The following DUSP16 variants were observed in gnomAD, a reference collection of about 807,000 sequenced individuals.
The protein encoded by DUSP16 is dual specificity protein phosphatase 16.
A neutral mutation model predicts 58.3 loss-of-function variants in DUSP16; 21 were observed. The observed-to-expected ratio is 0.36, with a 90% confidence interval of 0.26 to 0.52. The LOEUF is 0.52. Ranked by LOEUF, DUSP16 falls within the 20% of genes least tolerant of loss-of-function variation. DUSP16 has a pLI of 0.94. For missense variants in DUSP16, 726 were observed against 819.0 expected, an observed-to-expected ratio of 0.89 and a Z score of 1.39; for synonymous variants, 320 against 323.8, an observed-to-expected ratio of 0.99 and a Z score of 0.12.
At chr12:12,505,108 T>C (rs376369942) in intron 3 of DUSP16, among the ~76,000 whole-genome samples, 43 of 152,292 alleles carry the variant, frequency 2.8e-4, no homozygotes, top group Admixed American at 4.6e-4. Flanking sequence ...ATGAGATAGG[T>C]GTTACTACTA....
At chr12:12,523,185 CCA>C (rs1261049348) in intron 1 of DUSP16, among the ~76,000 whole-genome samples, 7 of 152,150 alleles carry the variant, frequency 4.6e-5, no homozygotes, top group Admixed American at 1.3e-4. Flanking sequence ...CCTCTCTAAA[CCA>C]CAGTTTCTTC....
chr12:12,535,046 T>G (rs753195183), intron 1 of DUSP16, among the ~76,000 whole-genome samples: 1 of 152,262 alleles, frequency 6.6e-6, no homozygotes, highest in Non-Finnish European at 1.5e-5. Flanking sequence ...TCTGAATTAT[T>G]TTATAATCTA....
chr12:12,536,228 T>C (rs923837426), intron 1 of DUSP16, among the ~76,000 whole-genome samples: 3 of 152,230 alleles, frequency 2.0e-5, no homozygotes, highest in Admixed American at 1.3e-4. Context: ...TGGCACAAGA[T>C]ATACCCTTAT....
At chr12:12,487,527 C>T (rs918934442) in intron 4 of DUSP16, among the ~76,000 whole-genome samples, 1 of 152,136 alleles carries the variant, frequency 6.6e-6, no homozygotes, top group Admixed American at 6.5e-5. Flanking sequence ...TATATGGACA[C>T]ACAACATTTT....
chr12:12,532,371 G>C lies in DUSP16; in HGVS notation c.-365-10908C>G, dbSNP rs74561565. On this transcript the variant is annotated intron_variant, in intron 1 of 6. Transcript: ENST00000298573. ...ATATACTTATTGACAGCCAAGGATGGTCATGATATATTGAGAATAAAGTCA... is the reference window on the plus strand; with the variant it reads ...ATATACTTATTGACAGCCAAGGATGCTCATGATATATTGAGAATAAAGTCA... 4.9e-3 allele frequency among the ~76,000 whole-genome samples: 748 copies of C among 152,102 alleles called. 7 individuals are homozygous for C. The highest frequency in any genetic ancestry group is 0.017 in the African/African-American group (714 of 41,538).
intron 1 of DUSP16, among the ~76,000 whole-genome samples, chr12:12,542,766 A>G (rs1944583960): frequency 6.6e-6 from 1 of 152,236 alleles, no homozygotes; most frequent in Non-Finnish European, 1.5e-5. Context: ...TAAATGTAGA[A>G]CACGATCCTC....
At chr12:12,493,832 C>T (rs1379056395) in intron 4 of DUSP16, among the ~76,000 whole-genome samples, 2 of 152,194 alleles carry the variant, frequency 1.3e-5, no homozygotes, top group Non-Finnish European at 2.9e-5. Context: ...AATCCCCAGC[C>T]CTCTTACCCT....
At position 12,476,318 on chromosome 12, in the gene DUSP16, G is replaced by A. The variant is rs991787034; in HGVS notation, c.*515C>T. 3 of 153,506 alleles carry A rather than the reference G, an allele frequency of 2.0e-5. No homozygotes were observed. Among genetic ancestry groups the A allele is most frequent in the Admixed American group, 6.5e-5 (1 of 15,332 alleles). 9.5% of individuals were successfully genotyped at this position (153,506 alleles called of 1,614,324 possible). Reference sequence around the variant, plus strand: ...GATGCTCGTGTCCCTCGGCTGTCAGGTGAGCGTGGGTTTGTGAATCAGCTT... The same window carrying A: ...GATGCTCGTGTCCCTCGGCTGTCAGATGAGCGTGGGTTTGTGAATCAGCTT... On this transcript the variant is annotated 3_prime_UTR_variant, in exon 7 of 7. Transcript: ENST00000298573.
At chr12:12,481,553 T>C (rs1033714958) in intron 5 of DUSP16, among the ~76,000 whole-genome samples, 4 of 152,232 alleles carry the variant, frequency 2.6e-5, no homozygotes, top group Non-Finnish European at 5.9e-5. Flanking sequence ...TCAATCTCAC[T>C]GCCTATGCTA....
chr12:12,551,414 G>A (rs1944724249), intron 1 of DUSP16, among the ~76,000 whole-genome samples: 1 of 141,752 alleles, frequency 7.1e-6, no homozygotes, highest in Non-Finnish European at 1.5e-5. Flanking sequence ...AGTGAGCCAA[G>A]ATCACACCAC....
chr12:12,482,203 C>G (rs1291552367), intron 5 of DUSP16, among the ~76,000 whole-genome samples: 1 of 151,994 alleles, frequency 6.6e-6, no homozygotes, highest in Non-Finnish European at 1.5e-5. Context: ...CTAACAATCC[C>G]CCAAAAGACT....
chr12:12,514,136 T>A (rs1329019590), intron 3 of DUSP16, among the ~76,000 whole-genome samples: 1 of 152,218 alleles, frequency 6.6e-6, no homozygotes, highest in African/African-American at 2.4e-5. Flanking sequence ...ATCCTCATAA[T>A]AAGGCAAGCG....
intron 3 of DUSP16, 86 bp from the exon 4 acceptor site, chr12:12,500,768 A>T (rs1943896902): frequency 7.9e-7 from 1 of 1,269,846 alleles, no homozygotes; most frequent in African/African-American, 1.5e-5. Context: ...AAACAGTTTA[A>T]ACCCACGAAT....
chr12:12,529,619 A>G (rs1944356889), intron 1 of DUSP16, among the ~76,000 whole-genome samples: 1 of 152,208 alleles, frequency 6.6e-6, no homozygotes, highest in South Asian at 2.1e-4. Context: ...ACCATGCTGT[A>G]CAATAGATCC....
At chr12:12,480,407 G>GT (rs1236278755) in intron 5 of DUSP16, 61 bp from the exon 6 acceptor site, 17 of 1,577,190 alleles carry the variant, frequency 1.1e-5, no homozygotes, top group Admixed American at 3.6e-5. Context: ...GTGAAATCTT[G>GT]TTTCCATTTA....
intron 1 of DUSP16, among the ~76,000 whole-genome samples, chr12:12,552,790 CTTTT>C (rs956646196): frequency 6.6e-6 from 1 of 151,602 alleles, no homozygotes; most frequent in Non-Finnish European, 1.5e-5. Flanking sequence ...GTTTTTTCTT[CTTTT>C]TTTTGAGACA....
chr12:12,557,469 A>G (rs1944823580), intron 1 of DUSP16, among the ~76,000 whole-genome samples: 1 of 152,106 alleles, frequency 6.6e-6, no homozygotes, highest in African/African-American at 2.4e-5. Flanking sequence ...AAAAAAAAAA[A>G]AAAAATCTAA....
At chr12:12,501,632 C>T (rs77663281) in intron 3 of DUSP16, among the ~76,000 whole-genome samples, 32 of 80,102 alleles carry the variant, frequency 4.0e-4, no homozygotes, top group African/African-American at 1.1e-3. Flanking sequence ...TTCAAACCCT[C>T]GCTATTCACT....
intron 6 of DUSP16, 128 bp downstream of exon 6, chr12:12,480,095 A>T: frequency 7.8e-7 from 1 of 1,284,046 alleles, no homozygotes. Context: ...TAAAAAATCC[A>T]CAGTAACCTG....
Sources: gnomAD v4.1 joint callset for allele counts (sites outside exome capture counted in the v4.1 genomes callset) on GRCh38, gnomAD v4.1.1 for gene constraint, MANE v1.5 for transcripts, NCBI Gene and HGNC (gene_info 2026-07-23, HGNC 2026-07-21) for gene names.